Variants in WNT2B observed in about 807,000 individuals in gnomAD.
WNT2B encodes the protein protein Wnt-2b.
WNT2B carries 19 observed loss-of-function variants against 40.5 expected under a neutral mutation model. The observed-to-expected ratio is 0.47, with a 90% CI of 0.33 to 0.69. WNT2B has a LOEUF of 0.69. Ranked by LOEUF, WNT2B falls within the 30% of genes least tolerant of loss-of-function variation. WNT2B has a pLI of 0.02. For missense variants in WNT2B, 467 were observed against 556.4 expected (o/e 0.84, Z 1.62); for synonymous variants, 220 against 211.9 (o/e 1.04, Z -0.33).
chr1:112,493,236 G>A (rs1462828244), intron 1 of WNT2B, among the ~76,000 whole-genome samples: 2 of 152,190 alleles, frequency 1.3e-5, no homozygotes, highest in Non-Finnish European at 2.9e-5. Context: ...ATAGCACTAC[G>A]ACGAAAGAAT....
In WNT2B at chr1:112,515,991, TG is replaced by T. The variant is rs1357668897; in HGVS notation, c.404-148del. On this transcript the variant is annotated intron_variant, in intron 2 of 4. Transcript: ENST00000369684. This position sits in a 1 kb window ranked among gnomAD's most constrained non-coding sequence, Gnocchi z 4.4. ...ATACTCTGGGGAATGCTCTTGGAAA[TG>T]AAAGGCACCTTGAATAAAGGGGGTG... 3 of 1,000,332 alleles carry T rather than the reference TG, an allele frequency of 3.0e-6. No homozygotes were observed. The highest frequency in any genetic ancestry group is 4.3e-6 in the Non-Finnish European group (3 of 692,680). The allele number at this position is 1,000,332 out of a possible 1,614,324, so 62.0% of individuals were successfully genotyped here.
intron 3 of WNT2B, among the ~76,000 whole-genome samples, chr1:112,516,852 C>T (rs1206210194): frequency 6.6e-6 from 1 of 152,204 alleles, no homozygotes; most frequent in African/African-American, 2.4e-5. Context: ...ACACTGTCAT[C>T]GTGAACAGAA....
intron 1 of WNT2B, among the ~76,000 whole-genome samples, chr1:112,496,072 G>T (rs932657659): frequency 6.6e-6 from 1 of 152,274 alleles, no homozygotes; most frequent in South Asian, 2.1e-4. Context: ...CATTAATAGT[G>T]CCATTAAGTT....
At chr1:112,510,656 A>G (rs1570790431) in intron 1 of WNT2B, among the ~76,000 whole-genome samples, 1 of 147,788 alleles carries the variant, frequency 6.8e-6, no homozygotes, top group Admixed American at 6.8e-5. Flanking sequence ...CCTTATCCCA[A>G]CCCCCACCCC....
chr1:112,519,778 A>G (rs1042785000), intron 4 of WNT2B, among the ~76,000 whole-genome samples: 11 of 152,126 alleles, frequency 7.2e-5, no homozygotes, highest in Non-Finnish European at 1.6e-4. Context: ...CATATGAGAA[A>G]CTAAGTTAAT....
chr1:112,483,483 G>T (rs1651294182), intron 1 of WNT2B, among the ~76,000 whole-genome samples: 1 of 151,974 alleles, frequency 6.6e-6, no homozygotes, highest in Non-Finnish European at 1.5e-5. Flanking sequence ...ACTCAAAAAG[G>T]ATTACAGATC....
chr1:112,520,189 C>A (rs1652790069), intron 4 of WNT2B, 91 bp from the exon 5 acceptor site: 4 of 1,344,678 alleles, frequency 3.0e-6, no homozygotes, highest in South Asian at 2.6e-5. Flanking sequence ...AAAAGCGATT[C>A]TTTTTATCTT....
At chr1:112,493,570 T>C (rs1651670993) in intron 1 of WNT2B, among the ~76,000 whole-genome samples, 1 of 152,006 alleles carries the variant, frequency 6.6e-6, no homozygotes, top group South Asian at 2.1e-4. Flanking sequence ...TGCAATGAGC[T>C]GTGATCACAC....
In WNT2B at chr1:112,515,725, T is replaced by TG; in HGVS notation, c.404-411dup. The stretch of plus-strand genomic sequence containing the variant: ...TCTCTAAACAGGCTGACCCCTGGGC[T>TG]GGGGTCTCCATTGTGGGGGAACTGT... On this transcript the variant is annotated intron_variant, in intron 2 of 4. Transcript: ENST00000369684. The surrounding 1 kb of genome is among the most constrained non-coding windows in gnomAD (Gnocchi z 4.4). Among the ~76,000 whole-genome samples the TG allele has an allele frequency of 6.6e-6, 1 of 152,182 alleles. No homozygotes were observed. The highest frequency in any genetic ancestry group is 1.5e-5 in the Non-Finnish European group (1 of 68,030).
chr1:112,489,607 G>T (rs1651534579), intron 1 of WNT2B, among the ~76,000 whole-genome samples: 1 of 152,036 alleles, frequency 6.6e-6, no homozygotes, highest in African/African-American at 2.4e-5. Flanking sequence ...AAAGTCCATT[G>T]CATTATTCCC....
chr1:112,507,409 T>A (rs1652140649), upstream of WNT2B, among the ~76,000 whole-genome samples: 1 of 152,164 alleles, frequency 6.6e-6, no homozygotes, highest in Admixed American at 6.5e-5. Context: ...AATGCACTCA[T>A]CACCTTACCA....
chr1:112,484,288 TATACACACAC>T (rs1385490407), intron 1 of WNT2B, among the ~76,000 whole-genome samples: 4 of 123,530 alleles, frequency 3.2e-5, no homozygotes, highest in African/African-American at 1.3e-4. Context: ...TATATATATA[TATACACACAC>T]ATATATATAG....
Position 112,516,364 on chromosome 1 carries a change from C to A in WNT2B, c.628C>A (p.Leu210Ile), listed in dbSNP as rs1233201272. 6.2e-7 allele frequency: 1 copy of A among 1,613,976 alleles called. No individual in the cohort carries two copies. The highest frequency in any genetic ancestry group is 1.7e-5 in the Admixed American group (1 of 60,006). ...CTTCGTGGATGCCAAGGAGAAGAGGCTTAAGGATGCCCGGGCCCTCATGAA... is the reference window on the plus strand; with the variant it reads ...CTTCGTGGATGCCAAGGAGAAGAGGATTAAGGATGCCCGGGCCCTCATGAA... ...KAFVDAKEKR[L>I]KDARALMNLH... Residue 210 changes from leucine to isoleucine, a missense_variant, in exon 3 of 5, where the codon CTT becomes ATT. Physicochemically the swap from Leu to Ile is conservative, Grantham distance 5. Coordinates refer to ENST00000369684, the MANE Select transcript of WNT2B (RefSeq NM_024494.3).
chr1:112,476,779 G>T (rs752513298), intron 1 of WNT2B, among the ~76,000 whole-genome samples: 2 of 152,154 alleles, frequency 1.3e-5, no homozygotes, highest in African/African-American at 2.4e-5. Flanking sequence ...GGTCCATGCT[G>T]CTGTGTCCCC....
At chr1:112,508,299 C>T (rs1030770850), upstream of WNT2B, among the ~76,000 whole-genome samples, 1 of 151,152 alleles carries the variant, frequency 6.6e-6, no homozygotes, top group African/African-American at 2.4e-5. This position sits in a 1 kb window ranked among gnomAD's most constrained non-coding sequence, Gnocchi z 4.2. Flanking sequence ...CCCTTAGCGT[C>T]GGCAGTCGAT....
At chr1:112,475,556 G>A (rs1651028852) in intron 1 of WNT2B, among the ~76,000 whole-genome samples, 1 of 152,034 alleles carries the variant, frequency 6.6e-6, no homozygotes, top group Non-Finnish European at 1.5e-5. Context: ...TAGCACAAAC[G>A]CTGAGGGAAG....
chr1:112,477,792 A>T (rs1386714432), intron 1 of WNT2B, among the ~76,000 whole-genome samples: 1 of 143,162 alleles, frequency 7.0e-6, no homozygotes, highest in Non-Finnish European at 1.6e-5. Flanking sequence ...AATAATTTTA[A>T]AAAAAAATCT....
chr1:112,499,195 G>T (rs1451330306), intron 1 of WNT2B, among the ~76,000 whole-genome samples: 2 of 108,872 alleles, frequency 1.8e-5, no homozygotes, highest in Admixed American at 2.4e-4. Flanking sequence ...GACAGAGCAA[G>T]ACTGTCTCAA....
At chr1:112,508,858 C>G (rs1652225458), upstream of WNT2B, 2 of 1,006,810 alleles carry the variant, frequency 2.0e-6, no homozygotes, top group Non-Finnish European at 2.4e-6. This position sits in a 1 kb window ranked among gnomAD's most constrained non-coding sequence, Gnocchi z 4.2. Context: ...CGTCGCGGAG[C>G]GCCCCGGGCT....
Sources: gnomAD v4.1 joint callset for allele counts (sites outside exome capture counted in the v4.1 genomes callset) on GRCh38, gnomAD v4.1.1 for gene constraint, Gnocchi (gnomAD v3.1) non-coding constraint, MANE v1.5 for transcripts, NCBI Gene and HGNC (gene_info 2026-07-23, HGNC 2026-07-21) for gene names.